Variants in DCAF13 observed in about 807,000 individuals in gnomAD.
DCAF13 encodes DDB1- and CUL4-associated factor 13.
A neutral mutation model predicts 59.0 loss-of-function variants in DCAF13; 38 were observed. The observed-to-expected ratio is 0.64, with a 90% CI of 0.50 to 0.84. The LOEUF (loss-of-function observed/expected upper bound fraction) is 0.84, where lower values mean the gene tolerates loss of function less well. Ranked by LOEUF, DCAF13 falls within the 40% of genes least tolerant of loss-of-function variation. The pLI is 0.00. For synonymous variants in DCAF13, 173 were observed against 175.0 expected, an observed-to-expected ratio of 0.99 and a Z score of 0.09; for missense variants, 469 against 558.4, an observed-to-expected ratio of 0.84 and a Z score of 1.61.
At chr8:103,440,464 C>T (rs766563782) in intron 9 of DCAF13, 193 bp downstream of exon 9, 8 of 405,268 alleles carry the variant, frequency 2.0e-5, no homozygotes, top group Middle Eastern at 6.5e-4. Context: ...ATTGTAGACA[C>T]TGTACATTCA....
Position 103,426,056 on chromosome 8 carries a change from G to A in DCAF13, c.379G>A (p.Val127Ile). The A allele has an allele frequency of 6.2e-7, 1 of 1,608,874 alleles. No homozygotes were observed. Among genetic ancestry groups the A allele is most frequent in the Non-Finnish European group, 8.5e-7 (1 of 1,175,576 alleles). Residue 127 changes from valine (V) to isoleucine (I), a missense_variant and splice_region_variant, in exon 4 of 11, where the codon GTT becomes ATT. Physicochemically the swap from Val to Ile is conservative, Grantham distance 29 (BLOSUM62 3). Around this residue, in one of 3 missense-constraint regions of DCAF13, gnomAD observed 355 missense variants for 399.1 expected, o/e 0.89. Transcript: ENST00000612750. ...ATCATAATAAAACAAATATTTCTAG[G>A]TTGGTGATGACAAAACTGTGAAGCA... ...TRFCGTSFFT[V>I]GDDKTVKQWK...
At chr8:103,437,021 A>G (rs1302544995) in intron 8 of DCAF13, among the ~76,000 whole-genome samples, 2 of 152,260 alleles carry the variant, frequency 1.3e-5, no homozygotes, top group East Asian at 1.9e-4. Context: ...TGTTTATCTG[A>G]TTATGAAGGT....
chr8:103,422,968 G>A (rs1314928805), intron 3 of DCAF13, among the ~76,000 whole-genome samples: 1 of 152,058 alleles, frequency 6.6e-6, no homozygotes, highest in Non-Finnish European at 1.5e-5. Flanking sequence ...CTGGAAATAG[G>A]TGTTAGTGTT....
At chr8:103,418,864 ATATTTTTTTTTTTTTTTTTTTTTT>A (rs1816679472) in intron 1 of DCAF13, among the ~76,000 whole-genome samples, 1 of 27,954 alleles carries the variant, frequency 3.6e-5, no homozygotes, top group Non-Finnish European at 5.6e-5. Flanking sequence ...ATATATATAT[ATATTTTTTTTTTTTTTTTTTTTTT>A]TTTTTTTTTT....
chr8:103,439,068 C>G (rs919262142), intron 8 of DCAF13, among the ~76,000 whole-genome samples: 11 of 152,102 alleles, frequency 7.2e-5, no homozygotes, highest in African/African-American at 2.7e-4. Context: ...AGTGCAGTAG[C>G]ACGATCTCGG....
chr8:103,415,652 T>A lies in DCAF13; in HGVS notation c.70+136T>A, dbSNP rs370109528. 62 of 834,116 alleles carry A rather than the reference T, an allele frequency of 7.4e-5. No homozygotes were observed. The East Asian group carries it at 1.6e-3, about 22-fold the overall frequency. The allele number at this position is 834,116 out of a possible 1,614,324, so 51.7% of individuals were successfully genotyped here. On this transcript the variant is annotated intron_variant, in intron 1 of 10. Transcript: ENST00000612750. Reference sequence around the variant, plus strand: ...TCAGTTACCTTTCGCTAAGGCAAACTTTGTGCTTACGGAGTCGCTGCGGAA... The same window carrying A: ...TCAGTTACCTTTCGCTAAGGCAAACATTGTGCTTACGGAGTCGCTGCGGAA...
At chr8:103,419,492 A>G (rs1220552598) in intron 1 of DCAF13, among the ~76,000 whole-genome samples, 2 of 152,240 alleles carry the variant, frequency 1.3e-5, no homozygotes, top group Non-Finnish European at 2.9e-5. Context: ...TGATAGCTAT[A>G]TAATATCATC....
chr8:103,420,191 CAG>C (rs1816703054), intron 1 of DCAF13, 71 bp from the exon 2 acceptor site: 8 of 1,344,130 alleles, frequency 6.0e-6, no homozygotes, highest in African/African-American at 2.9e-5. Context: ...TATTGAATAA[CAG>C]AGTGATTAGC....
In DCAF13 at chr8:103,421,387, T is replaced by A. The variant is rs1006854465; in HGVS notation, c.378+305T>A. Reference sequence around the variant, plus strand: ...TGCTAAGATGAGTAATTTGTACTTTTGTTAGTCAGATAATAAGGAATCATC... The same window carrying A: ...TGCTAAGATGAGTAATTTGTACTTTAGTTAGTCAGATAATAAGGAATCATC... On this transcript the variant is annotated intron_variant, in intron 3 of 10. Coordinates refer to ENST00000612750, the MANE Select transcript of DCAF13 (RefSeq NM_015420.7). The A allele has an allele frequency of 1.1e-5, 5 of 437,356 alleles. No homozygotes were observed. The Admixed American group carries it at 1.4e-4, about 12-fold the overall frequency. 27.1% of individuals were successfully genotyped at this position (437,356 alleles called of 1,614,324 possible).
chr8:103,435,680 T>C lies in DCAF13; in HGVS notation c.840T>C (p.Asp280=). 1 of 1,612,470 alleles carries C rather than the reference T, an allele frequency of 6.2e-7. No homozygotes were observed. Among genetic ancestry groups the C allele is most frequent in the East Asian group, 2.2e-5 (1 of 44,864 alleles). The change falls in exon 8 of 11, where the codon GAT becomes GAC. Residue 280 remains aspartate (D), a synonymous_variant. Transcript: ENST00000612750. ...ALDTPVMVHM[D]HVSAVLDVDY... The stretch of plus-strand genomic sequence containing the variant: ...ACACTCCTGTAATGGTCCATATGGA[T>C]CATGTATCTGCAGTGCTTGATGTGG...
chr8:103,431,055 G>T (rs2304501), intron 6 of DCAF13, among the ~76,000 whole-genome samples: 10 of 152,052 alleles, frequency 6.6e-5, no homozygotes, highest in African/African-American at 2.2e-4. Context: ...CATGATTATC[G>T]TATGACATGT....
chr8:103,420,205 G>A, intron 1 of DCAF13, 59 bp from the exon 2 acceptor site: 1 of 1,478,016 alleles, frequency 6.8e-7, no homozygotes, highest in South Asian at 1.1e-5. Flanking sequence ...GTGATTAGCT[G>A]AGGAAGACTG....
intron 3 of DCAF13, among the ~76,000 whole-genome samples, chr8:103,424,474 A>G (rs1816763751): frequency 6.6e-6 from 1 of 152,250 alleles, no homozygotes. Context: ...CTTCACTAAG[A>G]TATACCAGTT....
intron 9 of DCAF13, 122 bp downstream of exon 9, chr8:103,440,393 TAAAAA>T (rs58480092): frequency 1.2e-6 from 1 of 832,830 alleles, no homozygotes; most frequent in South Asian, 2.2e-5. Context: ...ATAGCTGTGA[TAAAAA>T]AAGCAATAAA....
At chr8:103,441,666 C>T in intron 10 of DCAF13, 48 bp downstream of exon 10, 2 of 1,559,554 alleles carry the variant, frequency 1.3e-6, no homozygotes, top group Non-Finnish European at 1.7e-6. Flanking sequence ...GACTTCTGCT[C>T]TCATCTCACC....
At chr8:103,421,919 G>C (rs1396635673) in intron 3 of DCAF13, among the ~76,000 whole-genome samples, 1 of 152,244 alleles carries the variant, frequency 6.6e-6, no homozygotes, top group East Asian at 1.9e-4. Flanking sequence ...TAGTGTTGCC[G>C]TGACCATTGG....
chr8:103,415,597 G>A (rs1475966670), intron 1 of DCAF13, 81 bp downstream of exon 1: 1 of 1,381,034 alleles, frequency 7.2e-7, no homozygotes, highest in East Asian at 2.3e-5. Flanking sequence ...GTAAAGCCGG[G>A]GGAGGCTGGC....
chr8:103,435,625 G>GT lies in DCAF13; in HGVS notation c.786-1_786insT (p.Tyr264IlefsTer4). ...TCAAATATTTAAAAATTCTTTTACA[G>GT]CTTATATACTTTTGATATGCGTGCA... On this transcript the variant is annotated frameshift_variant and splice_region_variant. Transcript: ENST00000612750. LOFTEE classifies it high-confidence loss of function. 6.5e-7 allele frequency: 1 copy of GT among 1,543,652 alleles called. No individual in the cohort carries two copies. Among genetic ancestry groups the GT allele is most frequent in the Non-Finnish European group, 8.7e-7 (1 of 1,144,180 alleles).
chr8:103,429,678 TAG>T (rs1033672336), intron 5 of DCAF13: 28 of 145,108 alleles, frequency 1.9e-4, no homozygotes, highest in African/African-American at 6.2e-4. Context: ...GCCTAATTTA[TAG>T]AGAGTTAACA....
Sources: allele counts gnomAD v4.1 joint callset (sites outside exome capture counted in the v4.1 genomes callset), GRCh38; gene constraint gnomAD v4.1.1; regional missense constraint gnomAD v4.1.1; transcripts MANE v1.5; gene names NCBI Gene and HGNC (gene_info 2026-07-23, HGNC 2026-07-21).